Variants in TNFSF4 observed in about 807,000 individuals in gnomAD.
The protein encoded by TNFSF4 is tumor necrosis factor ligand superfamily member 4.
Under a neutral mutation model 7.3 loss-of-function variants are expected in TNFSF4, and 4 were observed. The ratio of observed to expected loss-of-function variants is 0.55; its 90% CI spans 0.27 to 1.25. The LOEUF is 1.25. Among genes scored for constraint, TNFSF4 ranks in the 50% most tolerant of loss-of-function variants. TNFSF4 has a pLI of 0.12. For synonymous variants in TNFSF4, 76 were observed against 83.7 expected, an observed-to-expected ratio of 0.91 and a Z score of 0.50; for missense variants, 181 against 208.8, an observed-to-expected ratio of 0.87 and a Z score of 0.82.
At chr1:173,421,146 C>G in the TNFSF4 span, among the ~76,000 whole-genome samples, 1 of 152,162 alleles carries the variant, frequency 6.6e-6, no homozygotes, top group Non-Finnish European at 1.5e-5. Context: ...ATAGGCCGCA[C>G]AGTTAAATTT....
upstream of TNFSF4, among the ~76,000 whole-genome samples, chr1:173,211,569 T>C (rs1250535301): frequency 1.3e-5 from 2 of 152,306 alleles, no homozygotes; most frequent in East Asian, 3.9e-4. Context: ...TTCCAAGTTT[T>C]CCTTCCAAAC....
At chr1:173,382,038 G>A in the TNFSF4 span, among the ~76,000 whole-genome samples, 3 of 152,144 alleles carry the variant, frequency 2.0e-5, no homozygotes, top group Admixed American at 2.0e-4. Context: ...GCAGCAACCT[G>A]CTTGGGTCCC....
the TNFSF4 span, among the ~76,000 whole-genome samples, chr1:173,245,990 A>G: frequency 6.6e-6 from 1 of 152,170 alleles, no homozygotes; most frequent in African/African-American, 2.4e-5. Context: ...TCATCCACCA[A>G]TGGACATTTA....
the TNFSF4 span, among the ~76,000 whole-genome samples, chr1:173,389,021 G>A: frequency 2.0e-5 from 3 of 152,130 alleles, no homozygotes; most frequent in African/African-American, 7.2e-5. Flanking sequence ...CCAGTTCCCT[G>A]TATGTTATGT....
At chr1:173,239,344 TA>T in the TNFSF4 span, among the ~76,000 whole-genome samples, 1 of 152,284 alleles carries the variant, frequency 6.6e-6, no homozygotes, top group Non-Finnish European at 1.5e-5. Flanking sequence ...AAACTCCCTC[TA>T]TATTTGGGTT....
chr1:173,219,252 C>G, the TNFSF4 span, among the ~76,000 whole-genome samples: 1 of 152,112 alleles, frequency 6.6e-6, no homozygotes, highest in African/African-American at 2.4e-5. Context: ...TGGTTAAATT[C>G]TTTATCACTG....
chr1:173,433,575 A>G, the TNFSF4 span, among the ~76,000 whole-genome samples: 19 of 151,920 alleles, frequency 1.3e-4, no homozygotes, highest in Non-Finnish European at 7.4e-5. Flanking sequence ...GGTGGCATGC[A>G]CCTGTAGACC....
chr1:173,236,432 A>C, the TNFSF4 span, among the ~76,000 whole-genome samples: 1 of 151,788 alleles, frequency 6.6e-6, no homozygotes, highest in African/African-American at 2.4e-5. Flanking sequence ...AAAAAAAAAA[A>C]CAGGAGATAG....
chr1:173,334,719 GAGGTATGTCCA>G, the TNFSF4 span, among the ~76,000 whole-genome samples: 1 of 152,184 alleles, frequency 6.6e-6, no homozygotes, highest in Admixed American at 6.5e-5. Flanking sequence ...GCCGGTGGAA[GAGGTATGTCCA>G]CCGCAGTATG....
chr1:173,440,402 G>C, the TNFSF4 span: 1 of 152,130 alleles, frequency 6.6e-6, no homozygotes, highest in Middle Eastern at 3.4e-3. Context: ...CCAATGGGGT[G>C]GGGGAGGGAA....
chr1:173,281,345 T>C, the TNFSF4 span, among the ~76,000 whole-genome samples: 23 of 152,320 alleles, frequency 1.5e-4, no homozygotes, highest in South Asian at 3.5e-3. Context: ...TTAGTAAAGA[T>C]GTTTAGTATA....
the TNFSF4 span, among the ~76,000 whole-genome samples, chr1:173,328,632 T>C: frequency 6.6e-6 from 1 of 151,478 alleles, no homozygotes; most frequent in African/African-American, 2.4e-5. Flanking sequence ...TGTATACCTA[T>C]GTAACAAACC....
At chr1:173,336,798 T>A in the TNFSF4 span, among the ~76,000 whole-genome samples, 1 of 152,106 alleles carries the variant, frequency 6.6e-6, no homozygotes, top group Non-Finnish European at 1.5e-5. Context: ...ACTTATGAAA[T>A]TTTTAGGGAT....
At chr1:173,188,597 A>G in intron 1 of TNFSF4, 28 bp from the exon 2 acceptor site, 1 of 1,591,564 alleles carries the variant, frequency 6.3e-7, no homozygotes, top group Middle Eastern at 1.7e-4. Context: ...ACATATTCTT[A>G]GGAAAAAAAC....
the TNFSF4 span, among the ~76,000 whole-genome samples, chr1:173,358,960 T>C: frequency 1.3e-5 from 2 of 152,218 alleles, no homozygotes; most frequent in Non-Finnish European, 2.9e-5. Context: ...ACATGGTGTG[T>C]TCAACCTGTC....
At chr1:173,333,211 TG>T in the TNFSF4 span, among the ~76,000 whole-genome samples, 2 of 152,146 alleles carry the variant, frequency 1.3e-5, no homozygotes, top group African/African-American at 4.8e-5. Context: ...AGCCTTATTC[TG>T]GGTGTGTCTG....
the TNFSF4 span, among the ~76,000 whole-genome samples, chr1:173,352,472 C>T: frequency 6.6e-6 from 1 of 152,160 alleles, no homozygotes; most frequent in Non-Finnish European, 1.5e-5. Context: ...CCGGGGGAGA[C>T]ATCACATGTC....
the TNFSF4 span, among the ~76,000 whole-genome samples, chr1:173,336,802 T>G: frequency 6.6e-6 from 1 of 152,096 alleles, no homozygotes; most frequent in Admixed American, 6.6e-5. Context: ...ATGAAATTTT[T>G]AGGGATACAG....
chr1:173,275,042 T>G, the TNFSF4 span, among the ~76,000 whole-genome samples: 1,178 of 152,238 alleles, frequency 7.7e-3, 6 homozygotes, highest in South Asian at 0.013. Flanking sequence ...AGCAACAGCA[T>G]AGGTGCTAAG....
Sources: allele counts gnomAD v4.1 joint callset (sites outside exome capture counted in the v4.1 genomes callset), GRCh38; gene constraint gnomAD v4.1.1; transcripts MANE v1.5; gene names NCBI Gene and HGNC (gene_info 2026-07-23, HGNC 2026-07-21).